INPP5F: variants seen among roughly 807,000 people sequenced by gnomAD.
INPP5F encodes the protein phosphatidylinositide 4-phosphatase SAC2.
Under a neutral mutation model 137.2 loss-of-function variants are expected in INPP5F, and 97 were observed. That is an observed-to-expected ratio of 0.71 (90% CI 0.60 to 0.84). The LOEUF (loss-of-function observed/expected upper bound fraction) is 0.84, where lower values mean the gene tolerates loss of function less well. Ranked by LOEUF, INPP5F falls within the 40% of genes least tolerant of loss-of-function variation. The probability of loss-of-function intolerance (pLI) is 0.00; values close to 1 mark genes in which losing one functional copy is unlikely to be tolerated. For missense variants in INPP5F, 1,271 were observed against 1,371.9 expected, an observed-to-expected ratio of 0.93 and a Z score of 1.16; for synonymous variants, 504 against 476.9, an observed-to-expected ratio of 1.06 and a Z score of -0.74.
intron 3 of INPP5F, among the ~76,000 whole-genome samples, chr10:119,788,230 C>G (rs1172820885): frequency 2.0e-5 from 3 of 152,042 alleles, no homozygotes; most frequent in African/African-American, 7.2e-5. Flanking sequence ...TCTAGTGTGT[C>G]TCAGTGTGGG....
intron 2 of INPP5F, among the ~76,000 whole-genome samples, chr10:119,755,913 T>C (rs1417895259): frequency 6.6e-6 from 1 of 152,148 alleles, no homozygotes; most frequent in African/African-American, 2.4e-5. Context: ...ATCCTAGCAC[T>C]TTGGGAGGCT....
chr10:119,821,333 A>G (rs1249884285), intron 16 of INPP5F, among the ~76,000 whole-genome samples: 4 of 127,614 alleles, frequency 3.1e-5, no homozygotes, highest in African/African-American at 1.1e-4. Flanking sequence ...TCTTTATGCA[A>G]TAACGTGTGT....
At chr10:119,772,522 GAT>G (rs1210198602) in intron 2 of INPP5F, among the ~76,000 whole-genome samples, 2 of 152,088 alleles carry the variant, frequency 1.3e-5, no homozygotes, top group Non-Finnish European at 2.9e-5. Context: ...TTACCACCCA[GAT>G]ATGTTTCATT....
In INPP5F at chr10:119,827,427, GTCTC is replaced by G; in HGVS notation, c.3050_3053del (p.Ser1017PhefsTer38). 4.3e-6 allele frequency: 7 copies of G among 1,614,190 alleles called. No homozygotes were observed. The highest frequency in any genetic ancestry group is 5.9e-6 in the Non-Finnish European group (7 of 1,180,036). On this transcript the variant is annotated frameshift_variant, in exon 20 of 20. Transcript: ENST00000650623. LOFTEE classifies it high-confidence loss of function. ...ACCTTCTCGGCCATCGCAATTAGAT[GTCTC>G]TCTTTCTGCAACAGGCCCACAGTTT...
At chr10:119,819,466 A>T (rs1851458973) in intron 15 of INPP5F, 2 of 1,589,206 alleles carry the variant, frequency 1.3e-6, no homozygotes, top group Non-Finnish European at 1.7e-6. Context: ...TTAGTAGTAG[A>T]ATTTATTTCA....
intron 6 of INPP5F, among the ~76,000 whole-genome samples, chr10:119,795,106 G>A (rs1285274953): frequency 1.6e-4 from 22 of 135,118 alleles, no homozygotes; most frequent in African/African-American, 4.3e-4. Context: ...CCTCCCGGAC[G>A]GGGCGGCTGG....
At chr10:119,822,960 T>C in intron 17 of INPP5F, 111 bp from the exon 18 acceptor site, 1 of 1,055,606 alleles carries the variant, frequency 9.5e-7, no homozygotes, top group Non-Finnish European at 1.4e-6. Flanking sequence ...GTTTGTATTT[T>C]GTGTGCTGTC....
intron 2 of INPP5F, among the ~76,000 whole-genome samples, chr10:119,763,345 G>A (rs189128064): frequency 1.2e-4 from 19 of 152,266 alleles, no homozygotes; most frequent in South Asian, 6.2e-4. Flanking sequence ...CTATCCTCAC[G>A]GCATCTGGCA....
chr10:119,764,494 A>G (rs1481645049), intron 2 of INPP5F, among the ~76,000 whole-genome samples: 1 of 152,054 alleles, frequency 6.6e-6, no homozygotes, highest in Non-Finnish European at 1.5e-5. Context: ...TCCTCAGCTT[A>G]CTTAACATGA....
In INPP5F at chr10:119,726,306, G is replaced by T; in HGVS notation, c.44G>T (p.Gly15Val). 1 of 1,486,560 alleles carries T rather than the reference G, an allele frequency of 6.7e-7. No homozygotes were observed. The allele number at this position is 1,486,560 out of a possible 1,614,324, so 92.1% of individuals were successfully genotyped here. ...QAKDHYILQQ[G>V]ERALWCSRRD... ...AAGGACCACTACATCCTGCAGCAGGGCGAGCGCGCGCTGTGGTGCAGCCGC... is the reference window on the plus strand; with the variant it reads ...AAGGACCACTACATCCTGCAGCAGGTCGAGCGCGCGCTGTGGTGCAGCCGC... The change falls in exon 1 of 20, where the codon GGC becomes GTC. Residue 15 changes from glycine to valine, a missense_variant. Physicochemically the swap from Gly to Val is moderately radical, Grantham distance 109 (BLOSUM62 -3). Transcript: ENST00000650623.
rs369419431 is a variant in INPP5F, at chr10:119,759,589, C to T, written c.178+8433C>T. ...CAGGCTGGTCTCGAACTTCTGGCCTCAAGTGATCTACCTGCCTCGGCCTCC... is the reference window on the plus strand; with the variant it reads ...CAGGCTGGTCTCGAACTTCTGGCCTTAAGTGATCTACCTGCCTCGGCCTCC... On this transcript the variant is annotated intron_variant, in intron 2 of 19. Coordinates refer to ENST00000650623, the MANE Select transcript of INPP5F (RefSeq NM_014937.4). Among the ~76,000 whole-genome samples, 77 of 152,280 alleles carry T rather than the reference C, an allele frequency of 5.1e-4. No individual in the cohort carries two copies. The Middle Eastern group carries it at 0.01, about 20-fold the overall frequency.
At chr10:119,736,370 T>TG (rs1239711914) in intron 1 of INPP5F, among the ~76,000 whole-genome samples, 1 of 152,214 alleles carries the variant, frequency 6.6e-6, no homozygotes, top group African/African-American at 2.4e-5. Flanking sequence ...CTCACTATGT[T>TG]GGCCAGGTTA....
Position 119,825,560 on chromosome 10 carries a change from T to C in INPP5F, c.2250-1071T>C, listed in dbSNP as rs1851723945. Among the ~76,000 whole-genome samples, 3 of 152,192 alleles carry C rather than the reference T, an allele frequency of 2.0e-5. No individual in the cohort carries two copies. The South Asian group carries it at 6.2e-4, about 31-fold the overall frequency. ...TTTGCCATCCTTGACACAACTCACG[T>C]GGCCACAAGTGATACATTTTTAACT... is the stretch of plus-strand genomic sequence containing the variant. On this transcript the variant is annotated intron_variant, in intron 19 of 19. Transcript: ENST00000650623.
intron 9 of INPP5F, among the ~76,000 whole-genome samples, chr10:119,801,593 A>T (rs1371862383): frequency 6.6e-6 from 1 of 152,174 alleles, no homozygotes; most frequent in Non-Finnish European, 1.5e-5. Context: ...TTTAAAAATT[A>T]GCCAGGCCTG....
chr10:119,755,735 A>C (rs1171337125), intron 2 of INPP5F, among the ~76,000 whole-genome samples: 1 of 152,224 alleles, frequency 6.6e-6, no homozygotes, highest in Non-Finnish European at 1.5e-5. Context: ...CTGAAAGATC[A>C]CACAATTGCC....
intron 15 of INPP5F, among the ~76,000 whole-genome samples, chr10:119,818,275 A>G (rs576376363): frequency 9.8e-5 from 15 of 152,330 alleles, no homozygotes; most frequent in African/African-American, 3.4e-4. Flanking sequence ...GAAACCACGG[A>G]CCTGCAGGGC....
intron 1 of INPP5F, among the ~76,000 whole-genome samples, chr10:119,743,367 T>C: frequency 6.6e-6 from 1 of 152,178 alleles, no homozygotes; most frequent in Admixed American, 6.5e-5. Flanking sequence ...GAGCTTCCTC[T>C]TCCTCATGAG....
intron 1 of INPP5F, among the ~76,000 whole-genome samples, chr10:119,738,182 T>C (rs867839983): frequency 1.3e-5 from 2 of 152,252 alleles, no homozygotes; most frequent in Admixed American, 6.5e-5. Context: ...CAAATACTTA[T>C]GACTTAGGGT....
At position 119,826,839 on chromosome 10, in the gene INPP5F, TTAAAAG is replaced by T. The variant is rs779103548; in HGVS notation, c.2463_2468del (p.Lys821_Val822del). The T allele has an allele frequency of 3.4e-5, 55 of 1,613,420 alleles. No homozygotes were observed. Among genetic ancestry groups the T allele is most frequent in the East Asian group, 4.5e-5 (2 of 44,902 alleles). ...GAAAGTTAACTTTCTAAAACCAAACTTAAAAGTAAATCTTTGGAAATCAGATAGTAG... is the reference window on the plus strand; with the variant it reads ...GAAAGTTAACTTTCTAAAACCAAACTTAAATCTTTGGAAATCAGATAGTAG... On this transcript the variant is annotated inframe_deletion, in exon 20 of 20. Transcript: ENST00000650623.
Sources: gnomAD v4.1 joint callset for allele counts (sites outside exome capture counted in the v4.1 genomes callset) on GRCh38, gnomAD v4.1.1 for gene constraint, MANE v1.5 for transcripts, NCBI Gene and HGNC (gene_info 2026-07-23, HGNC 2026-07-21) for gene names.